The following TMEM132D variants were observed in gnomAD, a reference collection of about 807,000 sequenced individuals.
TMEM132D encodes the protein transmembrane protein 132D, also known as mature OL transmembrane protein.
A neutral mutation model predicts 62.3 loss-of-function variants in TMEM132D; 21 were observed. The ratio of observed to expected loss-of-function variants is 0.34; its 90% CI spans 0.24 to 0.49. The LOEUF (loss-of-function observed/expected upper bound fraction) is 0.49, where lower values mean the gene tolerates loss of function less well. TMEM132D is among the 20% of genes least tolerant of loss of function. The pLI is 0.99. For synonymous variants in TMEM132D, 621 were observed against 575.6 expected, an observed-to-expected ratio of 1.08 and a Z score of -1.13; for missense variants, 1,346 against 1,402.8, an observed-to-expected ratio of 0.96 and a Z score of 0.65.
intron 2 of TMEM132D, among the ~76,000 whole-genome samples, chr12:129,596,331 T>A (rs1208332275): frequency 1.3e-5 from 2 of 152,196 alleles, no homozygotes; most frequent in Non-Finnish European, 2.9e-5. Context: ...GGTGAGACGA[T>A]GTTCTTCTTC....
At chr12:129,118,065 C>T (rs1338638414) in intron 5 of TMEM132D, among the ~76,000 whole-genome samples, 1 of 152,190 alleles carries the variant, frequency 6.6e-6, no homozygotes, top group Non-Finnish European at 1.5e-5. Flanking sequence ...CATATACCAG[C>T]ACTTAACCAT....
At chr12:129,636,933 T>C (rs1466942297) in intron 2 of TMEM132D, among the ~76,000 whole-genome samples, 1 of 152,142 alleles carries the variant, frequency 6.6e-6, no homozygotes, top group Non-Finnish European at 1.5e-5. Flanking sequence ...AGCATACCCA[T>C]AATAAAGAAT....
rs115655834 is a variant in TMEM132D, at chr12:129,168,212, T to A, written c.1443+41308A>T. 4.6e-5 allele frequency among the ~76,000 whole-genome samples: 7 copies of A among 151,680 alleles called. 1 individual carries two copies. The highest frequency in any genetic ancestry group is 1.0e-4 in the Non-Finnish European group (7 of 68,010). On this transcript the variant is annotated intron_variant, in intron 5 of 8. Transcript: ENST00000422113. ...TTTAACTATGGTTTCCACTAAGGAGTCTGCTATTTGGGCTCCTCAATCCAT... is the reference window on the plus strand; with the variant it reads ...TTTAACTATGGTTTCCACTAAGGAGACTGCTATTTGGGCTCCTCAATCCAT...
chr12:129,751,209 A>G lies in TMEM132D; in HGVS notation c.80-50511T>C, dbSNP rs376602345. Among the ~76,000 whole-genome samples the G allele has an allele frequency of 3.9e-3, 595 of 152,328 alleles. 2 individuals are homozygous for G. Among genetic ancestry groups the G allele is most frequent in the African/African-American group, 0.012 (493 of 41,558 alleles). On this transcript the variant is annotated intron_variant, in intron 1 of 8. Transcript: ENST00000422113. Reference sequence around the variant, plus strand: ...CAGTTCCTCAGGCTCTACAGGAATCATGACTGGGGGAGCCTCAGGAAACTT... The same window carrying G: ...CAGTTCCTCAGGCTCTACAGGAATCGTGACTGGGGGAGCCTCAGGAAACTT...
chr12:129,843,343 G>A (rs945283297), intron 1 of TMEM132D, among the ~76,000 whole-genome samples: 33 of 152,110 alleles, frequency 2.2e-4, no homozygotes, highest in Middle Eastern at 3.4e-3. Flanking sequence ...TTATAAATAC[G>A]TTGTCAAATA....
intron 3 of TMEM132D, among the ~76,000 whole-genome samples, chr12:129,475,652 A>C (rs11060369): frequency 0.41 from 62,107 of 152,078 alleles, 13,024 homozygotes; most frequent in African/African-American, 0.51. Flanking sequence ...TACATAATTC[A>C]AAAGAGGTAT....
intron 3 of TMEM132D, among the ~76,000 whole-genome samples, chr12:129,449,417 T>C (rs1017037572): frequency 2.6e-5 from 4 of 152,192 alleles, no homozygotes; most frequent in African/African-American, 9.6e-5. Flanking sequence ...TAGGTAAGGC[T>C]GTAGTCTAAG....
At chr12:129,680,713 G>T (rs180908835) in intron 2 of TMEM132D, among the ~76,000 whole-genome samples, 2 of 152,310 alleles carry the variant, frequency 1.3e-5, no homozygotes, top group African/African-American at 4.8e-5. Context: ...AGTTACAGAG[G>T]TGCTGGAATT....
chr12:129,372,408 G>A (rs528335455), intron 3 of TMEM132D, among the ~76,000 whole-genome samples: 25 of 152,260 alleles, frequency 1.6e-4, no homozygotes, highest in East Asian at 9.7e-4. Context: ...GCTCCTCATC[G>A]TTGATGTTAC....
At chr12:129,075,193 T>C in intron 8 of TMEM132D, 134 bp from the exon 9 acceptor site, 1 of 718,872 alleles carries the variant, frequency 1.4e-6, no homozygotes, top group South Asian at 2.1e-5. Flanking sequence ...AGTGTAGAAA[T>C]AAGCGATAAG....
intron 5 of TMEM132D, among the ~76,000 whole-genome samples, chr12:129,088,113 C>A (rs34224028): frequency 5.4e-4 from 14 of 26,054 alleles, no homozygotes; most frequent in South Asian, 3.4e-3. Context: ...GGTGTCCTCC[C>A]TGACCGGGTG....
chr12:129,303,981 C>T (rs1393062767), intron 4 of TMEM132D, among the ~76,000 whole-genome samples: 1 of 152,172 alleles, frequency 6.6e-6, no homozygotes, highest in Non-Finnish European at 1.5e-5. Flanking sequence ...TGCTTGCGCC[C>T]TCGATGGCTT....
chr12:129,249,772 G>A (rs77595515), intron 4 of TMEM132D, among the ~76,000 whole-genome samples: 15 of 152,086 alleles, frequency 9.9e-5, no homozygotes, highest in African/African-American at 3.6e-4. Context: ...TCACAGAATC[G>A]CTGTGAACAT....
At chr12:129,830,019 G>C (rs1872780222) in intron 1 of TMEM132D, among the ~76,000 whole-genome samples, 1 of 152,060 alleles carries the variant, frequency 6.6e-6, no homozygotes, top group Admixed American at 6.6e-5. Context: ...TCAGCTCCAA[G>C]CCTCTCAGAT....
Position 129,380,118 on chromosome 12 carries a change from A to C in TMEM132D, c.1116-42301T>G, listed in dbSNP as rs115396573. On this transcript the variant is annotated intron_variant, in intron 3 of 8. Transcript: ENST00000422113. Reference sequence around the variant, plus strand: ...TTATTGGTGATCAAAGTAACAATGCATTTTATTATTGATGGCATTTTAGAT... The same window carrying C: ...TTATTGGTGATCAAAGTAACAATGCCTTTTATTATTGATGGCATTTTAGAT... Among the ~76,000 whole-genome samples the C allele has an allele frequency of 3.4e-3, 522 of 152,316 alleles. 4 individuals are homozygous for C. Among genetic ancestry groups the C allele is most frequent in the African/African-American group, 0.012 (506 of 41,574 alleles).
chr12:129,884,505 C>T (rs999780888), intron 1 of TMEM132D, among the ~76,000 whole-genome samples: 1 of 152,174 alleles, frequency 6.6e-6, no homozygotes, highest in African/African-American at 2.4e-5. Flanking sequence ...AATAATCACA[C>T]TAAATGCCAC....
At chr12:129,248,089 G>A (rs1336710375) in intron 4 of TMEM132D, among the ~76,000 whole-genome samples, 2 of 152,056 alleles carry the variant, frequency 1.3e-5, no homozygotes, top group Non-Finnish European at 2.9e-5. Context: ...GTAGCAAAGC[G>A]CTTTCACATA....
At chr12:129,303,977 C>T (rs534467769) in intron 4 of TMEM132D, among the ~76,000 whole-genome samples, 5 of 152,278 alleles carry the variant, frequency 3.3e-5, no homozygotes, top group East Asian at 1.9e-4. Flanking sequence ...GTTCTGCTTG[C>T]GCCCTCGATG....
intron 2 of TMEM132D, among the ~76,000 whole-genome samples, chr12:129,542,961 G>A (rs976794610): frequency 6.6e-6 from 1 of 151,918 alleles, no homozygotes; most frequent in Non-Finnish European, 1.5e-5. Context: ...ATACAGTCTA[G>A]GTGTGGAGTA....
Sources: gnomAD v4.1 joint callset for allele counts (sites outside exome capture counted in the v4.1 genomes callset) on GRCh38, gnomAD v4.1.1 for gene constraint, MANE v1.5 for transcripts, NCBI Gene and HGNC (gene_info 2026-07-23, HGNC 2026-07-21) for gene names.